Variants in ROR2 observed in about 807,000 individuals in gnomAD.
ROR2 encodes tyrosine-protein kinase transmembrane receptor ROR2.
ROR2 carries 33 observed loss-of-function variants against 74.9 expected under a neutral mutation model. The observed-to-expected ratio is 0.44, with a 90% CI of 0.33 to 0.59. The LOEUF (loss-of-function observed/expected upper bound fraction) is 0.59. Among genes scored for constraint, ROR2 ranks in the 20% least tolerant of loss-of-function variants. The probability of loss-of-function intolerance (pLI) is 0.02; values close to 1 mark genes in which losing one functional copy is unlikely to be tolerated. For missense variants in ROR2, 1,216 were observed against 1,313.8 expected, an observed-to-expected ratio of 0.93 and a Z score of 1.15; for synonymous variants, 586 against 558.7, an observed-to-expected ratio of 1.05 and a Z score of -0.69.
rs1837297981 is a variant in ROR2, at chr9:91,733,014, G to A, written c.937+108C>T. On this transcript the variant is annotated intron_variant, in intron 6 of 8. Transcript: ENST00000375708. This position sits in a 1 kb window ranked among gnomAD's most constrained non-coding sequence, Gnocchi z 5.7. The stretch of plus-strand genomic sequence containing the variant: ...TCGGCTGCTAAGGGGGTTCTGTGGG[G>A]CCTGGACAGATGGGGCTCCCTGGGC... The A allele has an allele frequency of 2.6e-6, 3 of 1,137,682 alleles. No homozygotes were observed. Among genetic ancestry groups the A allele is most frequent in the Non-Finnish European group, 3.7e-6 (3 of 804,590 alleles). The allele number at this position is 1,137,682 out of a possible 1,614,324, so 70.5% of individuals were successfully genotyped here.
At chr9:91,812,633 G>T (rs899818648) in intron 1 of ROR2, among the ~76,000 whole-genome samples, 1 of 151,954 alleles carries the variant, frequency 6.6e-6, no homozygotes, top group African/African-American at 2.4e-5. Context: ...CCTTGGATTG[G>T]AGCTGGGTGT....
At chr9:91,941,481 C>T (rs1458353863) in intron 1 of ROR2, among the ~76,000 whole-genome samples, 3 of 152,174 alleles carry the variant, frequency 2.0e-5, no homozygotes, top group Non-Finnish European at 2.9e-5. Context: ...AACATGGCAG[C>T]GTGTATGTCC....
In ROR2 at chr9:91,905,529, A is replaced by T. The variant is rs2119441871; in HGVS notation, c.97+44338T>A. Among the ~76,000 whole-genome samples, 1 of 151,706 alleles carries T rather than the reference A, an allele frequency of 6.6e-6. No homozygotes were observed. The highest frequency in any genetic ancestry group is 1.5e-5 in the Non-Finnish European group (1 of 67,968). Reference sequence around the variant, plus strand: ...TACACAGACATCACACACTACACACAACCCAACATACACAGACACAATACA... The same window carrying T: ...TACACAGACATCACACACTACACACTACCCAACATACACAGACACAATACA... On this transcript the variant is annotated intron_variant, in intron 1 of 8. Coordinates refer to ENST00000375708, the MANE Select transcript of ROR2 (RefSeq NM_004560.4). This position sits in a 1 kb window ranked among gnomAD's most constrained non-coding sequence, Gnocchi z 5.3.
intron 1 of ROR2, among the ~76,000 whole-genome samples, chr9:91,938,680 G>T (rs186491528): frequency 6.8e-4 from 103 of 152,298 alleles, no homozygotes; most frequent in African/African-American, 2.5e-3. Context: ...ATGAGAGCAG[G>T]AAGGCGAGAG....
At chr9:91,866,796 G>A (rs1271299274) in intron 1 of ROR2, among the ~76,000 whole-genome samples, 3 of 151,990 alleles carry the variant, frequency 2.0e-5, no homozygotes, top group Non-Finnish European at 4.4e-5. Flanking sequence ...GCTACCATAC[G>A]CAGATACAGA....
intron 1 of ROR2, among the ~76,000 whole-genome samples, chr9:91,801,023 A>G (rs990870307): frequency 3.3e-5 from 5 of 152,182 alleles, no homozygotes; most frequent in African/African-American, 1.2e-4. Context: ...GAACTCTGCT[A>G]CCTATGGGCA....
intron 1 of ROR2, among the ~76,000 whole-genome samples, chr9:91,929,989 C>T (rs967964117): frequency 2.0e-5 from 3 of 152,084 alleles, no homozygotes; most frequent in Non-Finnish European, 4.4e-5. Context: ...GCAGTGGCTG[C>T]TCAACCCCTA....
At chr9:91,814,199 A>C (rs1001942641) in intron 1 of ROR2, among the ~76,000 whole-genome samples, 2 of 152,218 alleles carry the variant, frequency 1.3e-5, no homozygotes, top group Admixed American at 1.3e-4. Context: ...GAACATAAGA[A>C]TAAAAGAAGG....
intron 4 of ROR2, 67 bp from the exon 5 acceptor site, chr9:91,737,585 T>C (rs1825076843): frequency 2.5e-6 from 4 of 1,611,286 alleles, no homozygotes; most frequent in African/African-American, 1.3e-5. Flanking sequence ...TGACTTCTTT[T>C]ATGATCCAGC....
intron 1 of ROR2, among the ~76,000 whole-genome samples, chr9:91,928,627 T>G (rs1353380214): frequency 6.6e-6 from 1 of 152,198 alleles, no homozygotes; most frequent in African/African-American, 2.4e-5. Flanking sequence ...GGGCAAGGCA[T>G]GCTGCTTCTC....
At chr9:91,808,635 T>A (rs1027940426) in intron 1 of ROR2, among the ~76,000 whole-genome samples, 2 of 148,358 alleles carry the variant, frequency 1.3e-5, no homozygotes, top group African/African-American at 5.0e-5. Flanking sequence ...AAAAAAATCA[T>A]AAATTATCAT....
chr9:91,820,914 C>T (rs533698806), intron 1 of ROR2, among the ~76,000 whole-genome samples: 46 of 152,126 alleles, frequency 3.0e-4, no homozygotes, highest in African/African-American at 1.1e-3. Context: ...CCAGCCTGGA[C>T]AACATGGTGA....
intron 2 of ROR2, among the ~76,000 whole-genome samples, chr9:91,774,954 G>C (rs1443118931): frequency 6.6e-6 from 1 of 152,230 alleles, no homozygotes; most frequent in Admixed American, 6.5e-5. Flanking sequence ...CTCCATGACA[G>C]GAATAGTGTC....
chr9:91,732,991 G>T, intron 6 of ROR2, 131 bp downstream of exon 6: 2 of 920,252 alleles, frequency 2.2e-6, no homozygotes, highest in Non-Finnish European at 3.2e-6. Context: ...TGGGGCCCTC[G>T]GCTGCTAAGG....
At chr9:91,948,821 T>C in intron 1 of ROR2, 2 of 985,476 alleles carry the variant, frequency 2.0e-6, no homozygotes, top group Non-Finnish European at 2.4e-6. Flanking sequence ...CTGGCGCTCC[T>C]GGGCCTGAAG....
intron 1 of ROR2, among the ~76,000 whole-genome samples, chr9:91,821,629 C>A (rs1016658708): frequency 4.6e-5 from 7 of 152,318 alleles, no homozygotes; most frequent in Non-Finnish European, 7.4e-5. Flanking sequence ...CGTTCTCCAG[C>A]CCTTCCAAAT....
intron 1 of ROR2, among the ~76,000 whole-genome samples, chr9:91,818,106 C>T (rs1828005987): frequency 1.3e-5 from 2 of 152,150 alleles, no homozygotes; most frequent in South Asian, 2.1e-4. Context: ...CAGCTTGTGG[C>T]AACTTTAAAG....
intron 1 of ROR2, among the ~76,000 whole-genome samples, chr9:91,899,570 AGCTGGGAACTGGCACTGAGCAGGTGG>A (rs1490418411): frequency 6.6e-6 from 1 of 152,126 alleles, no homozygotes; most frequent in African/African-American, 2.4e-5. Flanking sequence ...GCAGCAGGAG[AGCTGGGAACTGGCACTGAGCAGGTGG>A]GCAGGAGAGA....
chr9:91,807,850 T>A (rs920626325), intron 1 of ROR2, among the ~76,000 whole-genome samples: 11 of 152,128 alleles, frequency 7.2e-5, no homozygotes, highest in African/African-American at 1.9e-4. Flanking sequence ...CACTGTACAC[T>A]ATGACACGGC....
Sources: gnomAD v4.1 joint callset for allele counts (sites outside exome capture counted in the v4.1 genomes callset) on GRCh38, gnomAD v4.1.1 for gene constraint, Gnocchi (gnomAD v3.1) non-coding constraint, MANE v1.5 for transcripts, NCBI Gene and HGNC (gene_info 2026-07-23, HGNC 2026-07-21) for gene names.